PIK3C2G: variants seen among roughly 807,000 people sequenced by gnomAD.
PIK3C2G encodes the protein phosphatidylinositol 3-kinase C2 domain-containing subunit gamma.
In PIK3C2G, 168 loss-of-function variants were observed where a neutral mutation model predicts 181.1. The observed-to-expected ratio is 0.93, with a 90% confidence interval of 0.82 to 1.05. PIK3C2G has a LOEUF of 1.05. Among genes scored for constraint, PIK3C2G ranks in the 50% least tolerant of loss-of-function variants. PIK3C2G has a pLI of 0.00. For missense variants in PIK3C2G, 1,869 were observed against 1,732.8 expected, an observed-to-expected ratio of 1.08 and a Z score of -1.40; for synonymous variants, 573 against 592.2, an observed-to-expected ratio of 0.97 and a Z score of 0.47.
chr12:18,492,186 T>A (rs1940631737), intron 20 of PIK3C2G, among the ~76,000 whole-genome samples: 2 of 152,298 alleles, frequency 1.3e-5, no homozygotes, highest in Admixed American at 6.5e-5. Flanking sequence ...AGCTTTATTA[T>A]CTTCCTTCTC....
At chr12:18,522,384 G>T (rs1942975293) in intron 24 of PIK3C2G, among the ~76,000 whole-genome samples, 1 of 152,056 alleles carries the variant, frequency 6.6e-6, no homozygotes. Flanking sequence ...TTAATTAGCA[G>T]ACTTTTATTT....
intron 30 of PIK3C2G, among the ~76,000 whole-genome samples, chr12:18,608,369 A>G (rs534998755): frequency 7.2e-5 from 11 of 152,200 alleles, no homozygotes; most frequent in Non-Finnish European, 1.2e-4. Flanking sequence ...ATGGAATACT[A>G]TGCAGCCATA....
intron 5 of PIK3C2G, among the ~76,000 whole-genome samples, chr12:18,301,961 C>T (rs892159075): frequency 6.6e-6 from 1 of 152,108 alleles, no homozygotes; most frequent in Non-Finnish European, 1.5e-5. Flanking sequence ...CTTGTGATTC[C>T]TTTAGCTGTA....
At chr12:18,443,518 T>C (rs1946860421) in intron 18 of PIK3C2G, among the ~76,000 whole-genome samples, 1 of 152,186 alleles carries the variant, frequency 6.6e-6, no homozygotes, top group African/African-American at 2.4e-5. Context: ...TATCTTTGTT[T>C]ACAGGAATTT....
At chr12:18,318,488 A>G (rs1016818317) in intron 6 of PIK3C2G, among the ~76,000 whole-genome samples, 13 of 152,046 alleles carry the variant, frequency 8.6e-5, no homozygotes, top group Non-Finnish European at 1.3e-4. Flanking sequence ...TATTTTTTAT[A>G]ATGGTGTCAA....
chr12:18,521,618 G>A (rs181051458), intron 24 of PIK3C2G, among the ~76,000 whole-genome samples: 187 of 149,722 alleles, frequency 1.2e-3, no homozygotes, highest in African/African-American at 4.4e-3. Flanking sequence ...CAGGAGGGGT[G>A]GGGGGTTAGG....
the PIK3C2G span, chr12:18,683,486 T>C: frequency 6.8e-7 from 1 of 1,480,206 alleles, no homozygotes; most frequent in South Asian, 1.2e-5. Flanking sequence ...AAAAATTAAA[T>C]ATTTGCATTT....
chr12:18,503,694 A>G (rs1204483535), intron 23 of PIK3C2G, among the ~76,000 whole-genome samples: 1 of 152,152 alleles, frequency 6.6e-6, no homozygotes, highest in Admixed American at 6.5e-5. Context: ...AGAAACAATA[A>G]CCCTTGAAAT....
Position 18,326,422 on chromosome 12 carries a change from A to C in PIK3C2G, c.1272+1324A>C, listed in dbSNP as rs536372058. 4.6e-5 allele frequency among the ~76,000 whole-genome samples: 7 copies of C among 152,366 alleles called. No homozygotes were observed. The East Asian group carries it at 1.2e-3, about 25-fold the overall frequency. On this transcript the variant is annotated intron_variant, in intron 8 of 32. Transcript: ENST00000538779. ...ATTCCTGATATAAATAAAAGGGTAC[A>C]TAACTCAGATAATAACTATTTGTAA...
chr12:18,409,759 A>T (rs1369601562), intron 16 of PIK3C2G, among the ~76,000 whole-genome samples: 1 of 152,148 alleles, frequency 6.6e-6, no homozygotes, highest in Non-Finnish European at 1.5e-5. Context: ...TCACATTGCT[A>T]TAAAGAAATG....
chr12:18,418,327 G>A (rs964279157), intron 16 of PIK3C2G, among the ~76,000 whole-genome samples: 3 of 152,040 alleles, frequency 2.0e-5, no homozygotes, highest in Non-Finnish European at 4.4e-5. Context: ...AAGAACTAAG[G>A]GAGGGTTTTC....
chr12:18,688,294 TG>T, the PIK3C2G span: 1 of 1,470,622 alleles, frequency 6.8e-7, no homozygotes, highest in Non-Finnish European at 9.2e-7. Context: ...AATTAAGTTA[TG>T]TATTACAAAA....
intron 28 of PIK3C2G, among the ~76,000 whole-genome samples, chr12:18,565,630 C>A (rs1158260373): frequency 6.6e-6 from 1 of 152,044 alleles, no homozygotes; most frequent in Non-Finnish European, 1.5e-5. Flanking sequence ...GACAAAAGGT[C>A]ATTAAAAAGT....
intron 12 of PIK3C2G, among the ~76,000 whole-genome samples, chr12:18,367,848 C>G (rs543537059): frequency 1.3e-5 from 2 of 152,292 alleles, no homozygotes; most frequent in South Asian, 4.1e-4. Context: ...GCCACCACCC[C>G]TGGCTGAGAC....
chr12:18,286,550 C>T (rs1949453629), intron 2 of PIK3C2G, among the ~76,000 whole-genome samples: 1 of 151,752 alleles, frequency 6.6e-6, no homozygotes, highest in Non-Finnish European at 1.5e-5. Flanking sequence ...ACAGTAGTTA[C>T]CAAATAGATA....
At chr12:18,702,311 G>A in the PIK3C2G span, among the ~76,000 whole-genome samples, 1 of 151,894 alleles carries the variant, frequency 6.6e-6, no homozygotes, top group African/African-American at 2.4e-5. Context: ...AATATTTTCT[G>A]TCCTTCAAAC....
At chr12:18,473,298 T>A (rs936394949) in intron 18 of PIK3C2G, among the ~76,000 whole-genome samples, 1 of 152,248 alleles carries the variant, frequency 6.6e-6, no homozygotes, top group African/African-American at 2.4e-5. Context: ...TTATTGTTGT[T>A]GTTTAATTTC....
chr12:18,633,723 C>T (rs1024481204), intron 31 of PIK3C2G, among the ~76,000 whole-genome samples: 1 of 152,212 alleles, frequency 6.6e-6, no homozygotes, highest in East Asian at 1.9e-4. Flanking sequence ...CTGTAACTCC[C>T]TTTTTGCCTG....
At chr12:18,524,294 G>T (rs1943097221) in intron 24 of PIK3C2G, among the ~76,000 whole-genome samples, 1 of 152,162 alleles carries the variant, frequency 6.6e-6, no homozygotes, top group African/African-American at 2.4e-5. Flanking sequence ...CAATCAAAGA[G>T]AACCATTTCT....
Sources: allele counts gnomAD v4.1 joint callset (sites outside exome capture counted in the v4.1 genomes callset), GRCh38; gene constraint gnomAD v4.1.1; transcripts MANE v1.5; gene names NCBI Gene and HGNC (gene_info 2026-07-23, HGNC 2026-07-21).